Variants in XRN2 observed in about 807,000 individuals in gnomAD.
XRN2 encodes DHM1-like protein.
A neutral mutation model predicts 138.5 loss-of-function variants in XRN2; 44 were observed. The observed-to-expected ratio is 0.32, with a 90% CI of 0.25 to 0.41. The LOEUF is 0.41. Among genes scored for constraint, XRN2 ranks in the 10% least tolerant of loss-of-function variants. The probability of loss-of-function intolerance (pLI) is 1.00; values close to 1 mark genes in which losing one functional copy is unlikely to be tolerated. For missense variants in XRN2, 937 were observed against 1,169.3 expected (o/e 0.80, Z 2.90); for synonymous variants, 354 against 369.4 (o/e 0.96, Z 0.48).
intron 28 of XRN2, among the ~76,000 whole-genome samples, chr20:21,385,649 T>C (rs931744348): frequency 2.6e-5 from 4 of 152,012 alleles, no homozygotes; most frequent in Non-Finnish European, 5.9e-5. Context: ...CAAAAATAAT[T>C]ATCTCTGGTG....
intron 13 of XRN2, among the ~76,000 whole-genome samples, chr20:21,338,026 A>T (rs1024029995): frequency 2.6e-5 from 4 of 152,146 alleles, no homozygotes; most frequent in Non-Finnish European, 5.9e-5. Context: ...AGGGTAGTTG[A>T]TCACCTGGGC....
chr20:21,386,565 G>C (rs904852472), intron 28 of XRN2, among the ~76,000 whole-genome samples: 1 of 152,134 alleles, frequency 6.6e-6, no homozygotes, highest in Non-Finnish European at 1.5e-5. Context: ...GTGATCTTGG[G>C]TCTACATCTT....
At chr20:21,346,251 A>C (rs2038434190) in intron 16 of XRN2, among the ~76,000 whole-genome samples, 164 bp from the exon 17 acceptor site, 1 of 152,228 alleles carries the variant, frequency 6.6e-6, no homozygotes, top group South Asian at 2.1e-4. Context: ...CTATGAAATT[A>C]GACTTTTTAG....
chr20:21,313,802 C>A (rs903711438), intron 1 of XRN2, among the ~76,000 whole-genome samples: 7 of 152,182 alleles, frequency 4.6e-5, no homozygotes, highest in African/African-American at 1.7e-4. Context: ...TTGTGATAGG[C>A]ATCACTCTGA....
At position 21,307,248 on chromosome 20, in the gene XRN2, G is replaced by A. The variant is rs936456381; in HGVS notation, c.75+3775G>A. On this transcript the variant is annotated intron_variant, in intron 1 of 29. Coordinates refer to ENST00000377191, the MANE Select transcript of XRN2 (RefSeq NM_012255.5). ...TTTCATTATTAGGTACCCAGGTATAGATGTTATTTTAAATTCAGATTCATT... is the reference window on the plus strand; with the variant it reads ...TTTCATTATTAGGTACCCAGGTATAAATGTTATTTTAAATTCAGATTCATT... 1.4e-4 allele frequency among the ~76,000 whole-genome samples: 11 copies of A among 76,018 alleles called. 4 individuals are homozygous for A. Among genetic ancestry groups the A allele is most frequent in the African/African-American group, 4.0e-4 (11 of 27,778 alleles). The allele number at this position is 76,018 out of a possible 152,430, so 49.9% of individuals were successfully genotyped here.
chr20:21,386,590 G>T (rs1244793567), intron 28 of XRN2, among the ~76,000 whole-genome samples: 1 of 152,038 alleles, frequency 6.6e-6, no homozygotes, highest in East Asian at 1.9e-4. Flanking sequence ...TGACTAAAAA[G>T]GAAATTTCCC....
intron 1 of XRN2, 160 bp downstream of exon 1, chr20:21,303,633 C>G: frequency 7.4e-7 from 1 of 1,355,898 alleles, no homozygotes; most frequent in South Asian, 1.8e-5. Flanking sequence ...CGATGGGACG[C>G]GGGCTGTGGG....
At chr20:21,323,680 C>T (rs984392298) in intron 1 of XRN2, among the ~76,000 whole-genome samples, 2 of 152,138 alleles carry the variant, frequency 1.3e-5, no homozygotes, top group Non-Finnish European at 2.9e-5. Context: ...AAAATTAGGA[C>T]CCACCTACTC....
intron 1 of XRN2, 71 bp downstream of exon 1, chr20:21,303,544 C>T: frequency 1.4e-6 from 2 of 1,453,474 alleles, no homozygotes; most frequent in Non-Finnish European, 1.8e-6. Context: ...GGCCCATGGG[C>T]TCCGCCGCCT....
At chr20:21,320,549 T>C (rs999361228) in intron 1 of XRN2, among the ~76,000 whole-genome samples, 1 of 152,182 alleles carries the variant, frequency 6.6e-6, no homozygotes, top group Admixed American at 6.5e-5. Context: ...TCGGCCTGAC[T>C]TGGCCTCCCA....
Position 21,344,124 on chromosome 20 carries a change from C to G in XRN2, c.1445C>G (p.Ser482Cys). ...PSISPNTSFTSDGSPSPLGGI... is the reference protein window; with the variant it reads ...PSISPNTSFTCDGSPSPLGGI... ...ATATCTCCTAATACGAGTTTCACATCTGATGGCTCCCCGTCTCCATTAGGA... is the reference window on the plus strand; with the variant it reads ...ATATCTCCTAATACGAGTTTCACATGTGATGGCTCCCCGTCTCCATTAGGA... The change falls in exon 16 of 30, where the codon TCT becomes TGT. Residue 482 changes from serine (S) to cysteine (C), a missense_variant. Ser to Cys is a moderately radical substitution (Grantham distance 112). This residue lies in a region of XRN2 where 471 missense variants were observed against 581.2 expected (regional missense o/e 0.81). Coordinates refer to ENST00000377191, the MANE Select transcript of XRN2 (RefSeq NM_012255.5). 2 of 1,613,208 alleles carry G rather than the reference C, an allele frequency of 1.2e-6. No individual in the cohort carries two copies. The highest frequency in any genetic ancestry group is 1.7e-6 in the Non-Finnish European group (2 of 1,179,328).
chr20:21,350,660 A>G (rs1250896187), intron 20 of XRN2, among the ~76,000 whole-genome samples: 1 of 151,884 alleles, frequency 6.6e-6, no homozygotes, highest in African/African-American at 2.4e-5. Flanking sequence ...GGTAATAAAC[A>G]CATTTGGTAA....
chr20:21,377,854 T>C (rs1423010534), intron 27 of XRN2, among the ~76,000 whole-genome samples: 3 of 152,170 alleles, frequency 2.0e-5, no homozygotes, highest in Non-Finnish European at 4.4e-5. Flanking sequence ...AGAGAGGTAC[T>C]TTTTTGTCCC....
intron 28 of XRN2, 107 bp downstream of exon 28, chr20:21,382,164 C>T: frequency 1.1e-6 from 1 of 892,196 alleles, no homozygotes; most frequent in Non-Finnish European, 1.6e-6. Flanking sequence ...TGTACTTTTT[C>T]CCACCAAAAA....
intron 1 of XRN2, among the ~76,000 whole-genome samples, chr20:21,320,265 A>G (rs1171286460): frequency 7.1e-6 from 1 of 140,458 alleles, no homozygotes; most frequent in East Asian, 2.1e-4. Context: ...TATTGGCATC[A>G]TTTATTTATT....
intron 20 of XRN2, among the ~76,000 whole-genome samples, chr20:21,350,038 T>TC (rs2038486051): frequency 6.6e-6 from 1 of 152,226 alleles, no homozygotes; most frequent in Non-Finnish European, 1.5e-5. Flanking sequence ...TTATGTATAC[T>TC]CCATGGAAAC....
Position 21,346,476 on chromosome 20 carries a change from G to A in XRN2, c.1591G>A (p.Asp531Asn). The A allele has an allele frequency of 6.2e-7, 1 of 1,614,198 alleles. No individual in the cohort carries two copies. Among genetic ancestry groups the A allele is most frequent in the Non-Finnish European group, 8.5e-7 (1 of 1,180,020 alleles). The change falls in exon 17 of 30, where the codon GAT becomes AAT. Residue 531 changes from aspartate (D) to asparagine (N), a missense_variant. Coordinates refer to ENST00000377191, the MANE Select transcript of XRN2 (RefSeq NM_012255.5). ...GAACAAATTTGATGTGGATGCAGCTGATGAGAAATTCCGTCGGAAAGTTGT... is the reference window on the plus strand; with the variant it reads ...GAACAAATTTGATGTGGATGCAGCTAATGAGAAATTCCGTCGGAAAGTTGT... ...YKNKFDVDAA[D>N]EKFRRKVVQS...
chr20:21,303,946 C>T (rs2037778478), intron 1 of XRN2: 11 of 803,200 alleles, frequency 1.4e-5, no homozygotes, highest in South Asian at 5.7e-5. Flanking sequence ...CGTTGTTTAC[C>T]AATTGTGCCG....
Position 21,365,601 on chromosome 20 carries a change from G to A in XRN2, c.2353G>A (p.Asp785Asn). 6.2e-7 allele frequency: 1 copy of A among 1,613,340 alleles called. No homozygotes were observed. The highest frequency in any genetic ancestry group is 8.5e-7 in the Non-Finnish European group (1 of 1,179,942). The change falls in exon 26 of 30, where the codon GAC (aspartate) becomes AAC (asparagine). Residue 785 changes from aspartate to asparagine, a missense_variant. By Grantham distance (23) the Asp-to-Asn change is conservative. This residue lies in a region of XRN2 where 372 missense variants were observed against 414.4 expected (regional missense o/e 0.90). Coordinates refer to ENST00000377191, the MANE Select transcript of XRN2 (RefSeq NM_012255.5). ...RKPAAVLKPSDWEKSSNGRQW... is the reference protein window; with the variant it reads ...RKPAAVLKPSNWEKSSNGRQW... ...GCCAGCAGCAGTACTGAAACCTAGT[G>A]ACTGGGAAAAATCCAGCAATGGACG...
Sources: allele counts gnomAD v4.1 joint callset (sites outside exome capture counted in the v4.1 genomes callset), GRCh38; gene constraint gnomAD v4.1.1; regional missense constraint gnomAD v4.1.1; transcripts MANE v1.5; gene names NCBI Gene and HGNC (gene_info 2026-07-23, HGNC 2026-07-21).